Variants in SYTL2 observed in about 807,000 individuals in gnomAD.
The protein encoded by SYTL2 is synaptotagmin-like protein 2.
In SYTL2, 165 loss-of-function variants were observed where a neutral mutation model predicts 198.7. The ratio of observed to expected loss-of-function variants is 0.83; its 90% confidence interval spans 0.73 to 0.94. SYTL2 has a LOEUF of 0.94. Among genes scored for constraint, SYTL2 ranks in the 40% least tolerant of loss-of-function variants. SYTL2 has a pLI of 0.00. For missense variants in SYTL2, 2,835 were observed against 2,582.8 expected (o/e 1.10, Z -2.12); for synonymous variants, 966 against 917.7 (o/e 1.05, Z -0.95).
chr11:85,743,884 C>G (rs948533969), intron 4 of SYTL2, among the ~76,000 whole-genome samples: 3 of 152,058 alleles, frequency 2.0e-5, no homozygotes, highest in African/African-American at 7.2e-5. Context: ...TTCTGTGGCA[C>G]CTGCTCCCTC....
chr11:85,849,499 T>C, the SYTL2 span, among the ~76,000 whole-genome samples: 1 of 152,238 alleles, frequency 6.6e-6, no homozygotes, highest in Non-Finnish European at 1.5e-5. Context: ...AGTTTCAGCT[T>C]TCTACATACG....
In SYTL2 at chr11:85,695,290, C is replaced by T; in HGVS notation, c.6625G>A (p.Val2209Ile). The change falls in exon 20 of 20, where the codon GTT becomes ATT. Residue 2209 changes from valine (V) to isoleucine (I), a missense_variant. Val to Ile is a conservative substitution (Grantham distance 29). Around this residue, in one of 3 missense-constraint regions of SYTL2, gnomAD observed 185 missense variants for 182.1 expected, o/e 1.02. Coordinates refer to ENST00000359152, the MANE Select transcript of SYTL2 (RefSeq NM_206927.4). ...VDWMDSTSEE[V>I]ALWEKMVNSP... ...TTTACCATCTTCTCCCAGAGAGCAACTTCCTCTGAAGTAGAGTCCATCCAG... is the reference window on the plus strand; with the variant it reads ...TTTACCATCTTCTCCCAGAGAGCAATTTCCTCTGAAGTAGAGTCCATCCAG... 1 of 1,612,690 alleles carries T rather than the reference C, an allele frequency of 6.2e-7. No individual in the cohort carries two copies. The highest frequency in any genetic ancestry group is 8.5e-7 in the Non-Finnish European group (1 of 1,178,952).
intron 3 of SYTL2, among the ~76,000 whole-genome samples, chr11:85,746,452 C>T (rs1310392059): frequency 6.6e-6 from 1 of 152,190 alleles, no homozygotes; most frequent in Non-Finnish European, 1.5e-5. Flanking sequence ...AACTAACTAC[C>T]AGGCACTGTG....
intron 14 of SYTL2, among the ~76,000 whole-genome samples, chr11:85,709,070 C>A (rs1288050546): frequency 6.6e-6 from 1 of 152,084 alleles, no homozygotes; most frequent in Non-Finnish European, 1.5e-5. Flanking sequence ...GATCTCCTGA[C>A]CTTGTGATCC....
rs563470244 is a variant in SYTL2, at chr11:85,793,314, T to C, written c.-390+17640A>G. Among the ~76,000 whole-genome samples the C allele has an allele frequency of 9.0e-4, 137 of 152,228 alleles. 1 individual carries two copies. Among genetic ancestry groups the C allele is most frequent in the Non-Finnish European group, 1.7e-3 (113 of 67,998 alleles). ...TGTTGTTTCCTGACTTTTTAATGATTGCCATTCTAACTGGTGTGAGATGGT... is the reference window on the plus strand; with the variant it reads ...TGTTGTTTCCTGACTTTTTAATGATCGCCATTCTAACTGGTGTGAGATGGT... On this transcript the variant is annotated intron_variant, in intron 1 of 19. Transcript: ENST00000359152.
chr11:85,784,912 C>T (rs568267921), intron 1 of SYTL2, among the ~76,000 whole-genome samples: 191 of 152,182 alleles, frequency 1.3e-3, no homozygotes, highest in Admixed American at 2.2e-3. Flanking sequence ...CTTTCATCCT[C>T]GGAATCACTA....
intron 17 of SYTL2, among the ~76,000 whole-genome samples, chr11:85,698,394 T>C (rs1372618120): frequency 6.6e-6 from 1 of 152,230 alleles, no homozygotes; most frequent in Non-Finnish European, 1.5e-5. Flanking sequence ...TTTACAGTTA[T>C]ATTCAAAACA....
intron 5 of SYTL2, 45 bp from the exon 6 acceptor site, chr11:85,736,660 C>A (rs760161166): frequency 9.5e-7 from 1 of 1,049,986 alleles, no homozygotes. Context: ...AATGTCATGA[C>A]AGCAACTCAG....
At chr11:85,789,342 A>ATATATATATATATATATATATATATATG (rs2092689000) in intron 1 of SYTL2, among the ~76,000 whole-genome samples, 34 of 21,364 alleles carry the variant, frequency 1.6e-3, no homozygotes, top group Non-Finnish European at 3.4e-3. Flanking sequence ...GTGTGTGTGT[A>ATATATATATATATATATATATATATATG]TATATATATA....
chr11:85,731,628 C>T (rs376636358), intron 7 of SYTL2, among the ~76,000 whole-genome samples: 1 of 152,228 alleles, frequency 6.6e-6, no homozygotes. Context: ...ACCATAAAAA[C>T]CCTAGAAGAA....
the SYTL2 span, among the ~76,000 whole-genome samples, chr11:85,840,829 AC>A: frequency 6.6e-6 from 1 of 152,170 alleles, no homozygotes; most frequent in Non-Finnish European, 1.5e-5. Flanking sequence ...AGATGAAGAC[AC>A]CAAAAGCAAT....
At chr11:85,748,995 G>GA (rs1488096527) in intron 2 of SYTL2, among the ~76,000 whole-genome samples, 1 of 152,152 alleles carries the variant, frequency 6.6e-6, no homozygotes, top group Admixed American at 6.5e-5. Flanking sequence ...TGATGTCTCT[G>GA]ATGCTTATTG....
chr11:85,742,658 C>T (rs2153514082), intron 4 of SYTL2, among the ~76,000 whole-genome samples: 1 of 152,246 alleles, frequency 6.6e-6, no homozygotes, highest in South Asian at 2.1e-4. Flanking sequence ...CTGTTGTTTT[C>T]TGTATTTTAT....
intron 1 of SYTL2, among the ~76,000 whole-genome samples, chr11:85,788,830 TC>T (rs904248864): frequency 9.9e-5 from 15 of 151,734 alleles, no homozygotes; most frequent in African/African-American, 3.6e-4. Flanking sequence ...ACACAGAATG[TC>T]CCCTCCCTTT....
rs75199225 is a variant in SYTL2 at position 85,798,638 on chromosome 11, T to C, written c.-390+12316A>G. ...AAAAGATACAAAGCAAACTCAACAA[T>C]GGAAAAAGGTGCGTGGGGTGAAGTC... On this transcript the variant is annotated intron_variant, in intron 1 of 19. Transcript: ENST00000359152. 9.7e-4 allele frequency among the ~76,000 whole-genome samples: 148 copies of C among 152,162 alleles called. 1 individual carries two copies. The East Asian group carries it at 0.027, about 27-fold the overall frequency.
chr11:85,796,977 C>G (rs1275739341), intron 1 of SYTL2, among the ~76,000 whole-genome samples: 5 of 152,012 alleles, frequency 3.3e-5, no homozygotes, highest in Admixed American at 1.3e-4. Context: ...TCGCTTGGGC[C>G]CAGGCATTCA....
At chr11:85,697,374 T>G (rs1403157801) in intron 18 of SYTL2, among the ~76,000 whole-genome samples, 1 of 152,202 alleles carries the variant, frequency 6.6e-6, no homozygotes, top group African/African-American at 2.4e-5. Flanking sequence ...AAGCTACAGT[T>G]GGTCTTCTGG....
upstream of SYTL2, among the ~76,000 whole-genome samples, chr11:85,815,556 A>G (rs1446230648): frequency 6.6e-6 from 1 of 152,116 alleles, no homozygotes; most frequent in African/African-American, 2.4e-5. Flanking sequence ...AGCTCTTTGT[A>G]TTTTTCAAAG....
the SYTL2 span, chr11:85,853,860 T>C: frequency 6.6e-6 from 1 of 152,016 alleles, no homozygotes; most frequent in African/African-American, 2.4e-5. Flanking sequence ...AGGTACATAC[T>C]CTTTCTTTCT....
Sources: allele counts gnomAD v4.1 joint callset (sites outside exome capture counted in the v4.1 genomes callset), GRCh38; gene constraint gnomAD v4.1.1; regional missense constraint gnomAD v4.1.1; transcripts MANE v1.5; gene names NCBI Gene and HGNC (gene_info 2026-07-23, HGNC 2026-07-21).